The following KCNMA1 variants were observed in gnomAD, a reference collection of about 807,000 sequenced individuals.
The protein encoded by KCNMA1 is Calcium-activated potassium channel subunit alpha-1.
Under a neutral mutation model 140.0 loss-of-function variants are expected in KCNMA1, and 29 were observed. That is an observed-to-expected ratio of 0.21 (90% CI 0.15 to 0.28). KCNMA1 has a LOEUF of 0.28. Ranked by LOEUF, KCNMA1 falls within the 10% of genes least tolerant of loss-of-function variation. The probability of loss-of-function intolerance (pLI) is 1.00; values close to 1 mark genes in which losing one functional copy is unlikely to be tolerated. For synonymous variants in KCNMA1, 612 were observed against 611.9 expected (o/e 1.00, Z 0.00); for missense variants, 880 against 1,602.2 (o/e 0.55, Z 7.70).
chr10:77,466,760 T>C (rs567762295), intron 1 of KCNMA1, among the ~76,000 whole-genome samples: 1 of 152,180 alleles, frequency 6.6e-6, no homozygotes, highest in South Asian at 2.1e-4. Context: ...GTGCAGGACA[T>C]TTCCGTCTGC....
rs1214559397 is a variant in KCNMA1 at position 77,139,229 on chromosome 10, A to G, written c.809-18181T>C. 2.6e-5 allele frequency among the ~76,000 whole-genome samples: 4 copies of G among 152,334 alleles called. 1 individual carries two copies. Among genetic ancestry groups the G allele is most frequent in the Admixed American group, 2.6e-4 (4 of 15,300 alleles). On this transcript the variant is annotated intron_variant, in intron 5 of 27. Transcript: ENST00000286628. ...TCAACGTTTTCTCAGGAAGTAGTGT[A>G]TGTGCCCTTAGCTTAATAATTCCAT...
chr10:77,257,673 G>A (rs567880137), intron 2 of KCNMA1, among the ~76,000 whole-genome samples: 1 of 152,166 alleles, frequency 6.6e-6, no homozygotes, highest in Non-Finnish European at 1.5e-5. Context: ...ACGTGTTGTG[G>A]GAGGGACCTG....
chr10:77,148,039 G>A (rs1363409317), intron 5 of KCNMA1, among the ~76,000 whole-genome samples: 1 of 151,954 alleles, frequency 6.6e-6, no homozygotes, highest in East Asian at 1.9e-4. Context: ...CTCCTTTTGG[G>A]ACTGACCCTG....
chr10:77,348,300 C>T (rs1417804786), intron 2 of KCNMA1, among the ~76,000 whole-genome samples: 1 of 152,162 alleles, frequency 6.6e-6, no homozygotes, highest in South Asian at 2.1e-4. Flanking sequence ...AATAGAACAG[C>T]CTTCCATTGG....
chr10:77,471,694 A>G (rs2098157653), intron 1 of KCNMA1, among the ~76,000 whole-genome samples: 1 of 151,160 alleles, frequency 6.6e-6, no homozygotes, highest in South Asian at 2.1e-4. Flanking sequence ...CTATACACAC[A>G]TACACATTAT....
chr10:77,131,964 C>CAAAAAA (rs34972346), intron 5 of KCNMA1, among the ~76,000 whole-genome samples: 1 of 92,520 alleles, frequency 1.1e-5, no homozygotes, highest in African/African-American at 4.1e-5. Context: ...GACTCGGTCT[C>CAAAAAA]AAAAAAAAAA....
At chr10:77,059,843 G>T (rs951089965) in intron 14 of KCNMA1, among the ~76,000 whole-genome samples, 8 of 152,080 alleles carry the variant, frequency 5.3e-5, no homozygotes, top group Admixed American at 2.6e-4. Context: ...TCAATATTCT[G>T]CAAGAAGTGC....
At chr10:77,387,497 T>C (rs996990925) in intron 2 of KCNMA1, among the ~76,000 whole-genome samples, 2 of 152,044 alleles carry the variant, frequency 1.3e-5, no homozygotes, top group Non-Finnish European at 2.9e-5. Flanking sequence ...CTGGCACTCA[T>C]GGCAGGCATC....
At chr10:77,303,589 A>T (rs1253141595) in intron 2 of KCNMA1, among the ~76,000 whole-genome samples, 1 of 152,314 alleles carries the variant, frequency 6.6e-6, no homozygotes, top group African/African-American at 2.4e-5. Context: ...TAAGTAAGCC[A>T]TGTCACCCCT....
intron 1 of KCNMA1, among the ~76,000 whole-genome samples, chr10:77,497,115 T>C (rs765595439): frequency 3.3e-5 from 5 of 152,228 alleles, no homozygotes; most frequent in African/African-American, 4.8e-5. Context: ...ACTGATCCTA[T>C]TGTGTCCTTC....
At chr10:77,022,235 C>A (rs1240242534) in intron 16 of KCNMA1, among the ~76,000 whole-genome samples, 1 of 152,116 alleles carries the variant, frequency 6.6e-6, no homozygotes, top group Non-Finnish European at 1.5e-5. Flanking sequence ...TCTCTAGCTC[C>A]AACTTTATAT....
chr10:77,598,744 A>C (rs2081698268), intron 1 of KCNMA1, among the ~76,000 whole-genome samples: 1 of 152,192 alleles, frequency 6.6e-6, no homozygotes, highest in South Asian at 2.1e-4. Context: ...CCTCCCTCAG[A>C]AGAACCCATC....
intron 14 of KCNMA1, among the ~76,000 whole-genome samples, chr10:77,049,183 C>T (rs779968447): frequency 3.3e-5 from 5 of 152,298 alleles, no homozygotes; most frequent in Admixed American, 6.5e-5. Context: ...TTTCCCTTGA[C>T]GCTTCTATCA....
chr10:76,915,272 A>G (rs566743550), intron 23 of KCNMA1, among the ~76,000 whole-genome samples: 10 of 152,302 alleles, frequency 6.6e-5, no homozygotes, highest in Non-Finnish European at 1.0e-4. Flanking sequence ...TCCCTAAAAA[A>G]TCCAGACTTC....
intron 1 of KCNMA1, among the ~76,000 whole-genome samples, chr10:77,595,613 CT>C (rs59712407): frequency 0.3 from 45,549 of 151,834 alleles, 7,169 homozygotes; most frequent in Non-Finnish European, 0.36. Context: ...ATTTACACTC[CT>C]GACAATAAAG....
chr10:76,946,172 C>T (rs1044459968), intron 22 of KCNMA1, among the ~76,000 whole-genome samples: 1 of 152,134 alleles, frequency 6.6e-6, no homozygotes, highest in Non-Finnish European at 1.5e-5. Context: ...TAGGACAGGG[C>T]CATGGCCTCC....
chr10:76,940,998 A>AAGGAAGGAAGGAAGGAAGGAAGG (rs2061823952), intron 23 of KCNMA1, among the ~76,000 whole-genome samples: 4 of 63,302 alleles, frequency 6.3e-5, no homozygotes, highest in African/African-American at 2.7e-4. Context: ...AGAGAGAAAG[A>AAGGAAGGAAGGAAGGAAGGAAGG]AAGGAAGGAA....
chr10:76,951,151 C>G (rs577592789), intron 21 of KCNMA1, among the ~76,000 whole-genome samples: 1 of 152,168 alleles, frequency 6.6e-6, no homozygotes, highest in Non-Finnish European at 1.5e-5. Context: ...GTGGGGAAGG[C>G]ACAGTTAGTT....
intron 1 of KCNMA1, among the ~76,000 whole-genome samples, chr10:77,413,931 G>C (rs1293537819): frequency 6.6e-6 from 1 of 152,160 alleles, no homozygotes; most frequent in Non-Finnish European, 1.5e-5. Flanking sequence ...GAGTTTACTG[G>C]GTGTCTCGGC....
Sources: gnomAD v4.1 joint callset for allele counts (sites outside exome capture counted in the v4.1 genomes callset) on GRCh38, gnomAD v4.1.1 for gene constraint, MANE v1.5 for transcripts, NCBI Gene and HGNC (gene_info 2026-07-23, HGNC 2026-07-21) for gene names.